Variants in IL1RAP observed in about 807,000 individuals in gnomAD.
IL1RAP encodes the protein interleukin-1 receptor accessory protein.
A neutral mutation model predicts 60.7 loss-of-function variants in IL1RAP; 35 were observed. That is an observed-to-expected ratio of 0.58 (90% CI 0.44 to 0.76). The LOEUF is 0.76. IL1RAP is among the 30% of genes least tolerant of loss of function. The probability of loss-of-function intolerance (pLI) is 0.00; values close to 1 mark genes in which losing one functional copy is unlikely to be tolerated. For missense variants in IL1RAP, 572 were observed against 693.9 expected, an observed-to-expected ratio of 0.82 and a Z score of 1.97; for synonymous variants, 268 against 250.9, an observed-to-expected ratio of 1.07 and a Z score of -0.64.
At chr3:190,591,567 G>A (rs3773959) in intron 3 of IL1RAP, among the ~76,000 whole-genome samples, 17,372 of 152,130 alleles carry the variant, frequency 0.11, 1,186 homozygotes, top group African/African-American at 0.19. Flanking sequence ...TATTTTCTGG[G>A]ACTCTAATGA....
chr3:190,594,596 C>T (rs1729222518), intron 3 of IL1RAP, among the ~76,000 whole-genome samples: 1 of 152,180 alleles, frequency 6.6e-6, no homozygotes, highest in African/African-American at 2.4e-5. Flanking sequence ...ACCTAGTCAC[C>T]TGACCACATC....
rs80192637 is a variant in IL1RAP, at chr3:190,629,733, C to T, written c.1051+235C>T. The T allele has an allele frequency of 3.4e-4, 423 of 1,235,056 alleles. 1 individual carries two copies. The African/African-American group carries it at 6.0e-3, about 18-fold the overall frequency. The allele number at this position is 1,235,056 out of a possible 1,614,324, so 76.5% of individuals were successfully genotyped here. A position where few individuals can be genotyped will look rare whatever the true frequency, so the allele number is the denominator to read the frequency against. On this transcript the variant is annotated intron_variant, in intron 9 of 11. Transcript: ENST00000447382. The stretch of plus-strand genomic sequence containing the variant: ...AATGCCCAAATGTAGCTAAAAAAAT[C>T]GACGTGAGTACAGTGAGACACAATT...
At position 190,629,518 on chromosome 3, in the gene IL1RAP, A is replaced by G. The variant is rs1381616720; in HGVS notation, c.1051+20A>G. ...AGAAAGGTAATAGATGCGGTCAGTG[A>G]TGAATCTCTCAGCTCCAAATTAACA... On this transcript the variant is annotated intron_variant, in intron 9 of 11. Transcript: ENST00000447382. The G allele has an allele frequency of 6.3e-7, 1 of 1,593,190 alleles. No individual in the cohort carries two copies. The highest frequency in any genetic ancestry group is 8.5e-7 in the Non-Finnish European group (1 of 1,171,242).
intron 5 of IL1RAP, among the ~76,000 whole-genome samples, chr3:190,612,479 G>T (rs1730905579): frequency 6.6e-6 from 1 of 151,946 alleles, no homozygotes. Context: ...AGACCAAATT[G>T]TACCACCTTT....
At chr3:190,599,639 A>G (rs537908948) in intron 3 of IL1RAP, among the ~76,000 whole-genome samples, 2 of 149,454 alleles carry the variant, frequency 1.3e-5, no homozygotes, top group South Asian at 2.1e-4. Flanking sequence ...TGTATACTTC[A>G]GTTCTCAGAT....
downstream of IL1RAP, among the ~76,000 whole-genome samples, chr3:190,655,558 CGTGTGTGTGTGTGTGTGTGTGT>C (rs34341875): frequency 3.2e-4 from 42 of 131,162 alleles, no homozygotes; most frequent in Non-Finnish European, 6.2e-4. Context: ...AATTGCCCAC[CGTGTGTGTGTGTGTGTGTGTGT>C]GTGTGTGTGT....
chr3:190,607,979 A>G (rs923690707), intron 4 of IL1RAP, among the ~76,000 whole-genome samples: 3 of 152,192 alleles, frequency 2.0e-5, no homozygotes, highest in African/African-American at 4.8e-5. Flanking sequence ...AAGGCGTTTT[A>G]TGATCCTGAA....
intron 3 of IL1RAP, among the ~76,000 whole-genome samples, chr3:190,566,665 A>G (rs1304586653): frequency 6.6e-6 from 1 of 152,128 alleles, no homozygotes; most frequent in East Asian, 1.9e-4. Flanking sequence ...TCTGGCACGT[A>G]CTCATTTGCC....
chr3:190,601,748 G>A (rs1729880106), intron 3 of IL1RAP, among the ~76,000 whole-genome samples: 1 of 151,976 alleles, frequency 6.6e-6, no homozygotes, highest in Non-Finnish European at 1.5e-5. Context: ...AGCTCGTCCA[G>A]GCCGGACTTG....
chr3:190,582,277 T>C (rs1472260353), intron 3 of IL1RAP, among the ~76,000 whole-genome samples: 1 of 152,086 alleles, frequency 6.6e-6, no homozygotes, highest in Non-Finnish European at 1.5e-5. Context: ...AGTATTATCC[T>C]AGTCCAAGCC....
intron 1 of IL1RAP, among the ~76,000 whole-genome samples, chr3:190,514,798 C>G (rs1560128771): frequency 6.6e-6 from 1 of 152,164 alleles, no homozygotes; most frequent in Admixed American, 6.5e-5. Context: ...GGCCCGGGCG[C>G]CAGTGACCTC....
intron 7 of IL1RAP, among the ~76,000 whole-genome samples, chr3:190,623,978 G>A (rs1186297017): frequency 1.3e-5 from 2 of 152,116 alleles, no homozygotes; most frequent in Non-Finnish European, 2.9e-5. Context: ...TTGACTCAAA[G>A]CCTCCCACAG....
intron 9 of IL1RAP, among the ~76,000 whole-genome samples, chr3:190,643,708 G>T (rs9831803): frequency 0.24 from 36,639 of 152,016 alleles, 5,766 homozygotes; most frequent in African/African-American, 0.45. Flanking sequence ...TTTTGAGGCC[G>T]ATTTCCAAGT....
intron 10 of IL1RAP, among the ~76,000 whole-genome samples, chr3:190,644,775 T>C (rs542467195): frequency 6.6e-5 from 10 of 152,242 alleles, no homozygotes; most frequent in Non-Finnish European, 1.3e-4. Flanking sequence ...GCTAATGAGA[T>C]ATTTTAGTGT....
At chr3:190,652,334 C>T (rs558755813), downstream of IL1RAP, among the ~76,000 whole-genome samples, 1 of 151,962 alleles carries the variant, frequency 6.6e-6, no homozygotes, top group East Asian at 1.9e-4. Context: ...TAGTGGTGCA[C>T]GCCTGTAGTC....
chr3:190,631,330 T>C (rs1732771053), intron 9 of IL1RAP, among the ~76,000 whole-genome samples: 1 of 152,124 alleles, frequency 6.6e-6, no homozygotes. Flanking sequence ...GAAGCACAAG[T>C]TTGCCTCCCA....
At chr3:190,550,510 G>A (rs753778992) in intron 1 of IL1RAP, 1 of 152,316 alleles carries the variant, frequency 6.6e-6, no homozygotes. Context: ...TAACTGGTGG[G>A]TATAGTTATG....
Position 190,604,281 on chromosome 3 carries a change from C to T in IL1RAP, c.218C>T (p.Thr73Ile). 6.2e-7 allele frequency: 1 copy of T among 1,614,010 alleles called. No homozygotes were observed. The highest frequency in any genetic ancestry group is 1.1e-5 in the South Asian group (1 of 91,068). Residue 73 changes from threonine to isoleucine, a missense_variant, in exon 4 of 12, where the codon ACT becomes ATT. By Grantham distance (89) the Thr-to-Ile change is moderately conservative. Coordinates refer to ENST00000447382, the MANE Select transcript of IL1RAP (RefSeq NM_002182.4). ...SAGLTLIWYW[T>I]RQDRDLEEPI... ...GGCCTTACTCTGATCTGGTATTGGA[C>T]TAGGCAGGACCGGGACCTTGAGGAG...
At chr3:190,642,876 C>T (rs1057301838) in intron 9 of IL1RAP, among the ~76,000 whole-genome samples, 1 of 152,310 alleles carries the variant, frequency 6.6e-6, no homozygotes, top group East Asian at 1.9e-4. Flanking sequence ...TTAAGCCACT[C>T]CTGCTTCAGA....
Sources: allele counts gnomAD v4.1 joint callset (sites outside exome capture counted in the v4.1 genomes callset), GRCh38; gene constraint gnomAD v4.1.1; transcripts MANE v1.5; gene names NCBI Gene and HGNC (gene_info 2026-07-23, HGNC 2026-07-21).